The following AFF3 variants were observed in gnomAD, a reference collection of about 807,000 sequenced individuals.
AFF3 encodes AF4/FMR2 family member 3.
Under a neutral mutation model 129.7 loss-of-function variants are expected in AFF3, and 32 were observed. The observed-to-expected ratio is 0.25, with a 90% CI of 0.19 to 0.33. The LOEUF (loss-of-function observed/expected upper bound fraction) is 0.33, where lower values mean the gene tolerates loss of function less well. Ranked by LOEUF, AFF3 falls within the 10% of genes least tolerant of loss-of-function variation. The pLI, the probability that AFF3 is intolerant of heterozygous loss-of-function variation, is 1.00. For missense variants in AFF3, 1,373 were observed against 1,592.0 expected, an observed-to-expected ratio of 0.86 and a Z score of 2.34; for synonymous variants, 644 against 635.4, an observed-to-expected ratio of 1.01 and a Z score of -0.20.
intron 2 of AFF3, among the ~76,000 whole-genome samples, chr2:100,119,897 T>C (rs1402436557): frequency 6.6e-6 from 1 of 152,138 alleles, no homozygotes; most frequent in African/African-American, 2.4e-5. Flanking sequence ...AGTGAATAAG[T>C]CTGTAGTTAT....
chr2:99,622,734 T>A (rs1404061170), intron 13 of AFF3, among the ~76,000 whole-genome samples: 1 of 152,224 alleles, frequency 6.6e-6, no homozygotes, highest in Non-Finnish European at 1.5e-5. Flanking sequence ...CTGAATGACC[T>A]GTGCATCAGT....
chr2:100,069,826 CTTTTA>C (rs1035992137), intron 4 of AFF3, among the ~76,000 whole-genome samples: 9 of 152,088 alleles, frequency 5.9e-5, no homozygotes, highest in Non-Finnish European at 1.3e-4. Flanking sequence ...ATTTTTTGCT[CTTTTA>C]TAATAATCAG....
At chr2:99,766,397 A>T (rs1683024400) in intron 8 of AFF3, among the ~76,000 whole-genome samples, 1 of 152,234 alleles carries the variant, frequency 6.6e-6, no homozygotes, top group African/African-American at 2.4e-5. Flanking sequence ...TTGCCCTAGG[A>T]CAGCAGGGAT....
chr2:100,006,520 T>C, intron 7 of AFF3, 112 bp downstream of exon 7: 1 of 1,346,232 alleles, frequency 7.4e-7, no homozygotes, highest in African/African-American at 1.5e-5. Flanking sequence ...TCCTACCACA[T>C]GAAGTTAACC....
intron 4 of AFF3, among the ~76,000 whole-genome samples, chr2:100,032,858 ATAAG>A (rs760070406): frequency 1.6e-4 from 24 of 152,298 alleles, no homozygotes; most frequent in South Asian, 1.5e-3. Context: ...CCTATTTACT[ATAAG>A]TAATAAGAAA....
intron 7 of AFF3, among the ~76,000 whole-genome samples, chr2:99,862,943 G>T (rs984265110): frequency 7.9e-5 from 12 of 152,162 alleles, no homozygotes; most frequent in Admixed American, 5.9e-4. Context: ...ATGCTATCTT[G>T]GCAAACTAAT....
At chr2:99,755,043 T>A (rs1681976342) in intron 8 of AFF3, among the ~76,000 whole-genome samples, 1 of 152,146 alleles carries the variant, frequency 6.6e-6, no homozygotes, top group Non-Finnish European at 1.5e-5. Flanking sequence ...ATTAATCCAA[T>A]AACCACCCAA....
chr2:99,662,899 A>G (rs1686369079), intron 12 of AFF3, among the ~76,000 whole-genome samples: 1 of 152,234 alleles, frequency 6.6e-6, no homozygotes, highest in Non-Finnish European at 1.5e-5. Flanking sequence ...CCAGACAAGC[A>G]CAATGATTCT....
intron 8 of AFF3, among the ~76,000 whole-genome samples, chr2:99,768,214 T>G (rs576607153): frequency 1.3e-5 from 2 of 152,174 alleles, no homozygotes; most frequent in South Asian, 2.1e-4. Context: ...AAATAACATA[T>G]GCTTCTGGTT....
intron 11 of AFF3, among the ~76,000 whole-genome samples, chr2:99,690,185 A>ATTG (rs2104648920): frequency 7.5e-6 from 1 of 133,436 alleles, no homozygotes; most frequent in Non-Finnish European, 1.5e-5. Flanking sequence ...TATTATTATT[A>ATTG]TTATTATTAT....
intron 12 of AFF3, among the ~76,000 whole-genome samples, chr2:99,671,250 A>G (rs1217165295): frequency 6.6e-6 from 1 of 152,252 alleles, no homozygotes; most frequent in African/African-American, 2.4e-5. Flanking sequence ...AGCCAAAATT[A>G]GGAGTGAAGT....
chr2:99,898,673 T>A (rs1187126036), intron 7 of AFF3, among the ~76,000 whole-genome samples: 1 of 152,194 alleles, frequency 6.6e-6, no homozygotes, highest in East Asian at 1.9e-4. Context: ...GCCCACCTGC[T>A]GCACCCGGAT....
At chr2:99,945,755 T>C (rs1029306835) in intron 7 of AFF3, among the ~76,000 whole-genome samples, 3 of 152,282 alleles carry the variant, frequency 2.0e-5, no homozygotes. Context: ...AACTCTGAGA[T>C]GGATAATTGA....
rs189922086 is a variant in AFF3 at position 99,674,733 on chromosome 2, G to A, written c.1092-2144C>T. Among the ~76,000 whole-genome samples the A allele has an allele frequency of 3.8e-3, 579 of 152,274 alleles. 3 individuals carry two copies. The highest frequency in any genetic ancestry group is 6.6e-3 in the African/African-American group (275 of 41,552). On this transcript the variant is annotated intron_variant, in intron 11 of 24. Coordinates refer to ENST00000672756, the MANE Select transcript of AFF3 (RefSeq NM_001386135.1). The stretch of plus-strand genomic sequence containing the variant: ...AATGTTTAAATGGACAATACTGTGC[G>A]TGGATTGGAAGGCCATCATCCCCCA...
In AFF3 at chr2:99,587,263, C is replaced by T. The variant is rs137896821; in HGVS notation, c.2482G>A (p.Asp828Asn). The change falls in exon 16 of 25, where the codon GAC becomes AAC. Residue 828 changes from aspartate (D) to asparagine (N), a missense_variant. By Grantham distance (23) the Asp-to-Asn change is conservative (BLOSUM62 1). Around this residue, in one of 9 missense-constraint regions of AFF3, gnomAD observed 466 missense variants for 505.0 expected, o/e 0.92. Transcript: ENST00000672756. ...KRKRKCDNED[D>N]YREIKKSQGE... ...TGGGACTTCTTGATCTCCCTGTAGT[C>T]GTCTTCGTTGTCACACTGTATGGGA... 55 of 1,613,986 alleles carry T rather than the reference C, an allele frequency of 3.4e-5. No individual in the cohort carries two copies. The highest frequency in any genetic ancestry group is 6.7e-5 in the Admixed American group (4 of 60,000).
intron 4 of AFF3, among the ~76,000 whole-genome samples, chr2:100,077,032 T>A (rs770504438): frequency 9.9e-5 from 15 of 152,106 alleles, no homozygotes; most frequent in Non-Finnish European, 1.5e-4. Flanking sequence ...GTGGATCACT[T>A]GAGGCCAGGA....
intron 4 of AFF3, among the ~76,000 whole-genome samples, chr2:100,028,343 G>A (rs938386014): frequency 3.9e-5 from 6 of 152,132 alleles, no homozygotes; most frequent in African/African-American, 1.4e-4. Context: ...AGATTTATGT[G>A]TATGAATTTC....
At chr2:99,870,660 C>T (rs1691806018) in intron 7 of AFF3, among the ~76,000 whole-genome samples, 1 of 152,210 alleles carries the variant, frequency 6.6e-6, no homozygotes, top group Non-Finnish European at 1.5e-5. Flanking sequence ...GGCAAGTTCC[C>T]CCAAGAAAAT....
chr2:99,684,476 ACAT>A (rs1674844903), intron 11 of AFF3, among the ~76,000 whole-genome samples: 1 of 152,206 alleles, frequency 6.6e-6, no homozygotes, highest in African/African-American at 2.4e-5. Flanking sequence ...TCTGCCACAA[ACAT>A]CATAAGCAGA....
Sources: gnomAD v4.1 joint callset for allele counts (sites outside exome capture counted in the v4.1 genomes callset) on GRCh38, gnomAD v4.1.1 for gene constraint, gnomAD v4.1.1 regional missense constraint, MANE v1.5 for transcripts, NCBI Gene and HGNC (gene_info 2026-07-23, HGNC 2026-07-21) for gene names.